Variants in PAK3 observed in about 807,000 individuals in gnomAD.
PAK3 encodes serine/threonine-protein kinase PAK 3.
In PAK3, 4 loss-of-function variants were observed where a neutral mutation model predicts 41.0. The ratio of observed to expected loss-of-function variants is 0.10; its 90% CI spans 0.05 to 0.22. PAK3 has a LOEUF of 0.22. PAK3 is among the 10% of genes least tolerant of loss of function. The probability of loss-of-function intolerance (pLI) is 1.00; values close to 1 mark genes in which losing one functional copy is unlikely to be tolerated. For missense variants in PAK3, 205 were observed against 409.9 expected (o/e 0.50, Z 4.32); for synonymous variants, 146 against 139.6 (o/e 1.05, Z -0.32).
At chrX:111,157,491 G>A (rs986305008) in intron 8 of PAK3, among the ~76,000 whole-genome samples, 1 of 111,325 alleles carries the variant, frequency 9.0e-6, no homozygotes, top group Admixed American at 9.6e-5. Context: ...CCCAACTCAG[G>A]TTAAGAACTT....
upstream of PAK3, among the ~76,000 whole-genome samples, chrX:111,096,101 C>G (rs766904874): frequency 1.8e-5 from 2 of 112,171 alleles, no homozygotes; most frequent in Non-Finnish European, 3.8e-5. Flanking sequence ...TAGTTTTATG[C>G]TCACCATCTG....
In PAK3 at chrX:111,221,572, CTTATGATACA is replaced by C. The variant is rs942653880; in HGVS notation, c.*1126_*1135del. 1.8e-5 allele frequency: 2 copies of C among 111,989 alleles called. No individual in the cohort carries two copies. Among genetic ancestry groups the C allele is most frequent in the Non-Finnish European group, 3.8e-5 (2 of 53,148 alleles). The allele number at this position is 111,989 out of a possible 1,213,427, so 9.2% of individuals were successfully genotyped here. On this transcript the variant is annotated 3_prime_UTR_variant, in exon 18 of 18. Transcript: ENST00000372007. ...AAATAGATACATTAATCATCATTTA[CTTATGATACA>C]AATTATTTATTTTGACAATTTATAA...
rs1356723592 is a variant in PAK3, at chrX:111,222,409, C to T, written c.*1962C>T. ...CTGTAAAAGTTGGGAGAGGCTTGAC[C>T]TCCTCCCCTTGAAAATGTCCACAGT... On this transcript the variant is annotated 3_prime_UTR_variant, in exon 18 of 18. Coordinates refer to ENST00000372007, the MANE Select transcript of PAK3 (RefSeq NM_002578.5). The T allele has an allele frequency of 9.0e-6, 1 of 111,523 alleles. No individual in the cohort carries two copies. The highest frequency in any genetic ancestry group is 1.9e-5 in the Non-Finnish European group (1 of 53,063). The allele number at this position is 111,523 out of a possible 1,213,427, so 9.2% of individuals were successfully genotyped here. A position where few individuals can be genotyped will look rare whatever the true frequency, so the allele number is the denominator to read the frequency against.
At chrX:111,136,225 G>A (rs1249988088) in intron 5 of PAK3, among the ~76,000 whole-genome samples, 1 of 111,781 alleles carries the variant, frequency 8.9e-6, no homozygotes, top group Non-Finnish European at 1.9e-5. Context: ...AATATTGGGT[G>A]TGGTGATTGG....
intron 4 of PAK3, among the ~76,000 whole-genome samples, chrX:111,104,200 G>A (rs1005825924): frequency 3.6e-5 from 4 of 111,191 alleles, no homozygotes; most frequent in Admixed American, 1.9e-4. Context: ...TCTGGCCTCT[G>A]TTGCTATTCC....
At chrX:111,157,720 G>A (rs2094124711) in intron 8 of PAK3, among the ~76,000 whole-genome samples, 1 of 109,116 alleles carries the variant, frequency 9.2e-6, no homozygotes, top group Non-Finnish European at 1.9e-5. Flanking sequence ...CCAGGAGGTG[G>A]AGGTTGTGGT....
At chrX:110,994,109 T>C (rs914186406) in intron 1 of PAK3, among the ~76,000 whole-genome samples, 2 of 112,365 alleles carry the variant, frequency 1.8e-5, no homozygotes, top group African/African-American at 3.2e-5. Context: ...ATTTAGATCA[T>C]TGGCAATTTT....
chrX:111,084,684 C>T (rs763771015), intron 1 of PAK3, among the ~76,000 whole-genome samples: 128 of 111,997 alleles, frequency 1.1e-3, no homozygotes, highest in African/African-American at 3.9e-3. Flanking sequence ...TCAAGTTTGT[C>T]GATGCTTCAC....
chrX:110,984,023 G>A (rs1292612939), intron 1 of PAK3, among the ~76,000 whole-genome samples: 2 of 111,436 alleles, frequency 1.8e-5, no homozygotes, highest in Non-Finnish European at 3.8e-5. Context: ...ATTAGCTAGT[G>A]TGAGCCACCA....
At chrX:111,151,105 A>G (rs1335733825) in intron 7 of PAK3, among the ~76,000 whole-genome samples, 1 of 112,091 alleles carries the variant, frequency 8.9e-6, no homozygotes, top group Non-Finnish European at 1.9e-5. Flanking sequence ...ACTTTTTACT[A>G]TATTTAAGCT....
upstream of PAK3, among the ~76,000 whole-genome samples, chrX:111,094,991 C>T (rs770992708): frequency 9.0e-6 from 1 of 111,394 alleles, no homozygotes; most frequent in East Asian, 2.8e-4. Context: ...GTGTGGTCAT[C>T]TGTAGCTCTT....
intron 1 of PAK3, among the ~76,000 whole-genome samples, chrX:110,968,295 T>C (rs2091123633): frequency 8.9e-6 from 1 of 112,723 alleles, no homozygotes. Flanking sequence ...TGAACAATCA[T>C]GTACAGGTCT....
intron 6 of PAK3, among the ~76,000 whole-genome samples, chrX:111,142,683 C>T (rs900590276): frequency 3.6e-5 from 4 of 111,660 alleles, no homozygotes; most frequent in Non-Finnish European, 5.7e-5. Flanking sequence ...ATAAGTTTTA[C>T]AATTTTTAGT....
rs947695737 is a variant in PAK3, at chrX:111,209,551, T to C, written c.1408-6870T>C. ...GGGCTGGGCTGGAGCCCTGTCACCA[T>C]GTATCATATGATTTCCATGGTAAAA... On this transcript the variant is annotated intron_variant, in intron 16 of 17. Transcript: ENST00000372007. Among the ~76,000 whole-genome samples the C allele has an allele frequency of 3.6e-5, 4 of 111,880 alleles. No individual in the cohort carries two copies. In the East Asian group the frequency reaches 1.1e-3, roughly 31 times the overall value.
chrX:110,961,615 CTT>C (rs2090979083), intron 1 of PAK3, among the ~76,000 whole-genome samples: 1 of 111,692 alleles, frequency 9.0e-6, no homozygotes, highest in African/African-American at 3.3e-5. Flanking sequence ...TCTACAATCT[CTT>C]TTGTCTTTAA....
rs3066971 is a variant in PAK3, at chrX:111,187,950, CATATAT to C, written c.831-4161_831-4156del. ...AACCAGGGTACAGGGTAGGGAAATG[CATATAT>C]ATATATATATATATACACACATTAC... is the stretch of plus-strand genomic sequence containing the variant. On this transcript the variant is annotated intron_variant, in intron 11 of 17. Transcript: ENST00000372007. 5.2e-3 allele frequency among the ~76,000 whole-genome samples: 504 copies of C among 97,078 alleles called. 4 individuals carry two copies. The highest frequency in any genetic ancestry group is 0.018 in the African/African-American group (486 of 26,769). 84.3% of individuals were successfully genotyped at this position (97,078 alleles called of 115,157 possible).
At chrX:111,139,994 TGAA>T (rs1245405846) in intron 5 of PAK3, among the ~76,000 whole-genome samples, 2 of 111,658 alleles carry the variant, frequency 1.8e-5, no homozygotes, top group African/African-American at 6.5e-5. Context: ...CTAATTACTG[TGAA>T]GTGAATGAAA....
At chrX:110,996,404 G>A (rs1198794592) in intron 1 of PAK3, among the ~76,000 whole-genome samples, 1 of 112,245 alleles carries the variant, frequency 8.9e-6, no homozygotes, top group East Asian at 2.8e-4. Flanking sequence ...GGAGGAGGCA[G>A]ACAATAAACA....
rs982857193 is a variant in PAK3 at position 110,971,258 on chromosome X, G to A, written c.-28+26630G>A. 4.5e-5 allele frequency among the ~76,000 whole-genome samples: 5 copies of A among 111,461 alleles called. No individual in the cohort carries two copies. In the South Asian group the frequency reaches 1.1e-3, roughly 25 times the overall value. Reference sequence around the variant, plus strand: ...CACCACCCAATCCACCATCTTCCCCGGCCATAAACAACCACTAGTCTCCAG... The same window carrying A: ...CACCACCCAATCCACCATCTTCCCCAGCCATAAACAACCACTAGTCTCCAG... On this transcript the variant is annotated intron_variant, in intron 1 of 14. Coordinates refer to the PAK3 transcript ENST00000425146.
Sources: gnomAD v4.1 joint callset for allele counts (sites outside exome capture counted in the v4.1 genomes callset) on GRCh38, gnomAD v4.1.1 for gene constraint, MANE v1.5 for transcripts, NCBI Gene and HGNC (gene_info 2026-07-23, HGNC 2026-07-21) for gene names.